RAPGEF4: variants seen among roughly 807,000 people sequenced by gnomAD.
RAPGEF4 encodes the protein RAP guanine-nucleotide-exchange factor (GEF) 4.
A neutral mutation model predicts 147.9 loss-of-function variants in RAPGEF4; 66 were observed. The ratio of observed to expected loss-of-function variants is 0.45; its 90% CI spans 0.37 to 0.55. The LOEUF (loss-of-function observed/expected upper bound fraction) is 0.55, where lower values mean the gene tolerates loss of function less well. Ranked by LOEUF, RAPGEF4 falls within the 20% of genes least tolerant of loss-of-function variation. RAPGEF4 has a pLI of 0.00. For missense variants in RAPGEF4, 1,071 were observed against 1,257.3 expected, an observed-to-expected ratio of 0.85 and a Z score of 2.24; for synonymous variants, 419 against 442.7, an observed-to-expected ratio of 0.95 and a Z score of 0.67.
chr2:172,737,719 A>C (rs907545126), intron 1 of RAPGEF4, among the ~76,000 whole-genome samples: 2 of 152,116 alleles, frequency 1.3e-5, no homozygotes, highest in Non-Finnish European at 2.9e-5. Flanking sequence ...AAAAAAAAAA[A>C]AACCCTTCAC....
At chr2:172,886,320 G>C (rs1031597322) in intron 4 of RAPGEF4, among the ~76,000 whole-genome samples, 1 of 152,142 alleles carries the variant, frequency 6.6e-6, no homozygotes, top group African/African-American at 2.4e-5. Context: ...CCACAGAGTT[G>C]AGTATCTGCA....
At chr2:172,836,802 A>G (rs1238098915) in intron 4 of RAPGEF4, among the ~76,000 whole-genome samples, 1 of 152,172 alleles carries the variant, frequency 6.6e-6, no homozygotes, top group Non-Finnish European at 1.5e-5. Context: ...CAACAACCCA[A>G]AGTGCCACAT....
rs531658256 is a variant in RAPGEF4, at chr2:172,782,871, T to C, written c.66-12154T>C. On this transcript the variant is annotated intron_variant, in intron 1 of 30. Coordinates refer to ENST00000397081, the MANE Select transcript of RAPGEF4 (RefSeq NM_007023.4). ...AATAAGCATCCCCGTTTGGCTGGGGTCTGGTGACCTGAGGCTGAGGGTGTG... is the reference window on the plus strand; with the variant it reads ...AATAAGCATCCCCGTTTGGCTGGGGCCTGGTGACCTGAGGCTGAGGGTGTG... Among the ~76,000 whole-genome samples, 9 of 152,240 alleles carry C rather than the reference T, an allele frequency of 5.9e-5. No homozygotes were observed. In the East Asian group the frequency reaches 1.7e-3, roughly 29 times the overall value.
chr2:172,864,831 G>A (rs1694448970), intron 4 of RAPGEF4, among the ~76,000 whole-genome samples: 1 of 152,196 alleles, frequency 6.6e-6, no homozygotes, highest in Non-Finnish European at 1.5e-5. Context: ...CTTGAACCTG[G>A]GAGATAGAGG....
chr2:173,006,808 T>C (rs1296946511), intron 17 of RAPGEF4, among the ~76,000 whole-genome samples: 1 of 152,224 alleles, frequency 6.6e-6, no homozygotes, highest in Non-Finnish European at 1.5e-5. Context: ...TTTAGATTTC[T>C]AAGAAAAACT....
chr2:172,907,307 C>G (rs1459542101), intron 4 of RAPGEF4, among the ~76,000 whole-genome samples: 1 of 152,230 alleles, frequency 6.6e-6, no homozygotes, highest in Non-Finnish European at 1.5e-5. Flanking sequence ...CTGAGGACTT[C>G]TGTCCCTTCC....
At chr2:173,001,644 G>A (rs1693932377) in intron 17 of RAPGEF4, among the ~76,000 whole-genome samples, 1 of 152,160 alleles carries the variant, frequency 6.6e-6, no homozygotes, top group African/African-American at 2.4e-5. Context: ...TATAAGAAAA[G>A]AGGTTTAATT....
chr2:173,016,144 C>T (rs943079597), intron 18 of RAPGEF4, among the ~76,000 whole-genome samples: 1 of 152,154 alleles, frequency 6.6e-6, no homozygotes, highest in Non-Finnish European at 1.5e-5. Flanking sequence ...TTGATTGCCA[C>T]TATTTCCAAA....
intron 1 of RAPGEF4, among the ~76,000 whole-genome samples, chr2:172,787,927 G>A (rs1685386968): frequency 6.6e-6 from 1 of 152,112 alleles, no homozygotes; most frequent in East Asian, 1.9e-4. Context: ...GGCTAACAAA[G>A]TACGTTAGAC....
Position 172,986,776 on chromosome 2 carries a change from C to T in RAPGEF4, c.1150+1283C>T, listed in dbSNP as rs1029278059. On this transcript the variant is annotated intron_variant, in intron 12 of 30. Transcript: ENST00000397081. ...TGGCACAACCTTGGCTCACTGCAACCTTCACCTCCCAGGTTCAAGCAATTC... is the reference window on the plus strand; with the variant it reads ...TGGCACAACCTTGGCTCACTGCAACTTTCACCTCCCAGGTTCAAGCAATTC... Among the ~76,000 whole-genome samples, 5 of 151,820 alleles carry T rather than the reference C, an allele frequency of 3.3e-5. No individual in the cohort carries two copies. The East Asian group carries it at 5.8e-4, about 18-fold the overall frequency.
Position 172,941,906 on chromosome 2 carries a change from C to T in RAPGEF4, c.538-18854C>T, listed in dbSNP as rs760764884. Among the ~76,000 whole-genome samples the T allele has an allele frequency of 2.0e-5, 3 of 152,208 alleles. No individual in the cohort carries two copies. The East Asian group carries it at 5.8e-4, about 30-fold the overall frequency. On this transcript the variant is annotated intron_variant, in intron 6 of 30. Transcript: ENST00000397081. The stretch of plus-strand genomic sequence containing the variant: ...AGTTCACACAGCACAGTACCTGAAA[C>T]ATAGTATGCTCTCAACAAGTATTTT...
chr2:172,913,785 G>A (rs529194590), intron 4 of RAPGEF4, among the ~76,000 whole-genome samples: 1 of 152,218 alleles, frequency 6.6e-6, no homozygotes, highest in South Asian at 2.1e-4. Flanking sequence ...AAATAGAGAA[G>A]AACATCAACC....
chr2:172,826,132 C>T (rs1689643710), intron 4 of RAPGEF4, among the ~76,000 whole-genome samples: 1 of 152,194 alleles, frequency 6.6e-6, no homozygotes, highest in African/African-American at 2.4e-5. Context: ...CTGTGGAAGG[C>T]TCTGGTCCCT....
rs544652400 is a variant in RAPGEF4, at chr2:172,822,081, T to A, written c.444+7656T>A. ...TTATGCTCAAAAACATCTCTGGCTT[T>A]TCTAATTATGTTCCACCAGACCCAA... On this transcript the variant is annotated intron_variant, in intron 4 of 30. Coordinates refer to ENST00000397081, the MANE Select transcript of RAPGEF4 (RefSeq NM_007023.4). 122 of 1,395,034 alleles carry A rather than the reference T, an allele frequency of 8.7e-5. No individual in the cohort carries two copies. The African/African-American group carries it at 1.5e-3, about 18-fold the overall frequency. The allele number at this position is 1,395,034 out of a possible 1,614,324, so 86.4% of individuals were successfully genotyped here. A position where few individuals can be genotyped will look rare whatever the true frequency, so the allele number is the denominator to read the frequency against.
At chr2:172,970,803 A>G (rs1690395148) in intron 10 of RAPGEF4, among the ~76,000 whole-genome samples, 1 of 152,152 alleles carries the variant, frequency 6.6e-6, no homozygotes, top group Non-Finnish European at 1.5e-5. Flanking sequence ...TGCTATTGGT[A>G]TTGAAAAAAA....
intron 23 of RAPGEF4, 82 bp from the exon 24 acceptor site, chr2:173,026,490 C>G (rs1175309910): frequency 7.0e-7 from 1 of 1,432,862 alleles, no homozygotes; most frequent in Non-Finnish European, 9.4e-7. Context: ...AATCCTTTCC[C>G]CTCAGAAACT....
chr2:172,757,811 T>G (rs1431550829), intron 1 of RAPGEF4, among the ~76,000 whole-genome samples: 1 of 152,214 alleles, frequency 6.6e-6, no homozygotes, highest in African/African-American at 2.4e-5. Context: ...GTTGAGGCAT[T>G]ACTGTAATGA....
intron 4 of RAPGEF4, among the ~76,000 whole-genome samples, chr2:172,835,645 T>C (rs971593961): frequency 1.1e-4 from 1 of 9,082 alleles, no homozygotes; most frequent in African/African-American, 1.3e-4. Flanking sequence ...TTTAGAAATA[T>C]ATAACCTGAT....
intron 4 of RAPGEF4, among the ~76,000 whole-genome samples, chr2:172,881,523 G>C (rs1292537138): frequency 6.6e-6 from 1 of 152,196 alleles, no homozygotes; most frequent in Non-Finnish European, 1.5e-5. Context: ...GCCATGGACT[G>C]AGCTAGAAGT....
Sources: allele counts gnomAD v4.1 joint callset (sites outside exome capture counted in the v4.1 genomes callset), GRCh38; gene constraint gnomAD v4.1.1; transcripts MANE v1.5; gene names NCBI Gene and HGNC (gene_info 2026-07-23, HGNC 2026-07-21).